Variants in SCEL observed in about 807,000 individuals in gnomAD.
SCEL encodes sciellin.
Under a neutral mutation model 117.6 loss-of-function variants are expected in SCEL, and 113 were observed. That is an observed-to-expected ratio of 0.96 (90% CI 0.83 to 1.12). SCEL has a LOEUF of 1.12. Among genes scored for constraint, SCEL ranks in the 50% most tolerant of loss-of-function variants. The pLI is 0.00. For synonymous variants in SCEL, 270 were observed against 256.2 expected, an observed-to-expected ratio of 1.05 and a Z score of -0.51; for missense variants, 785 against 810.8, an observed-to-expected ratio of 0.97 and a Z score of 0.39.
At chr13:77,560,720 C>A (rs1327971234) in intron 4 of SCEL, among the ~76,000 whole-genome samples, 1 of 152,204 alleles carries the variant, frequency 6.6e-6, no homozygotes, top group Non-Finnish European at 1.5e-5. Flanking sequence ...TACCACAACA[C>A]AGTTGTACTC....
chr13:77,594,459 C>T (rs1472953151), intron 12 of SCEL, among the ~76,000 whole-genome samples: 1 of 152,224 alleles, frequency 6.6e-6, no homozygotes, highest in Non-Finnish European at 1.5e-5. Flanking sequence ...TCCATCCAAG[C>T]CCTGCCCATT....
Position 77,591,406 on chromosome 13 carries a change from C to T in SCEL, c.638C>T (p.Pro213Leu), listed in dbSNP as rs759816390. 3 of 1,579,812 alleles carry T rather than the reference C, an allele frequency of 1.9e-6. No individual in the cohort carries two copies. The highest frequency in any genetic ancestry group is 1.7e-6 in the Non-Finnish European group (2 of 1,150,978). The change falls in exon 11 of 33, where the codon CCA becomes CTA. Residue 213 changes from proline to leucine, a missense_variant. By Grantham distance (98) the Pro-to-Leu change is moderately conservative. Coordinates refer to ENST00000349847, the MANE Select transcript of SCEL (RefSeq NM_144777.3). Reference sequence around the variant, plus strand: ...CTTTGAAAATATAGGCAGATACATCCACCTAAACCAGGTGTATATACAGAA... The same window carrying T: ...CTTTGAAAATATAGGCAGATACATCTACCTAAACCAGGTGTATATACAGAA... ...QLRQDNRQIH[P>L]PKPGVYTETN...
intron 1 of SCEL, among the ~76,000 whole-genome samples, chr13:77,540,775 C>A (rs897544527): frequency 1.3e-5 from 2 of 152,060 alleles, no homozygotes; most frequent in African/African-American, 2.4e-5. Context: ...GTTATCAGTT[C>A]GATTTTATCC....
intron 1 of SCEL, among the ~76,000 whole-genome samples, chr13:77,539,209 A>G (rs561272777): frequency 3.5e-4 from 53 of 152,012 alleles, no homozygotes; most frequent in African/African-American, 1.0e-3. Context: ...AGATAAAAAG[A>G]AAAATTAGGA....
intron 23 of SCEL, among the ~76,000 whole-genome samples, 162 bp from the exon 24 acceptor site, chr13:77,613,731 G>A (rs762348355): frequency 6.6e-6 from 1 of 152,056 alleles, no homozygotes; most frequent in Non-Finnish European, 1.5e-5. Context: ...ATGTCATTGA[G>A]TTGTTGTGAG....
At chr13:77,607,995 T>G in intron 19 of SCEL, 61 bp from the exon 20 acceptor site, 1 of 1,290,126 alleles carries the variant, frequency 7.8e-7, no homozygotes, top group East Asian at 2.3e-5. Context: ...TTTATCTTCT[T>G]GTTGTCAGTC....
In SCEL at chr13:77,567,725, C is replaced by G. The variant is rs1427257082; in HGVS notation, c.336C>G (p.Thr112=). The change falls in exon 6 of 33, where the codon ACC becomes ACG. Residue 112 remains threonine, a synonymous_variant. Transcript: ENST00000349847. ...NDAAKTYKAN[T]LDNQLTNRSM... is the part of the protein sequence containing the mutation. ...CTGCTAAAACATATAAGGCCAATACCTTGGATAACCAACTAACCAATAGGT... is the reference window on the plus strand; with the variant it reads ...CTGCTAAAACATATAAGGCCAATACGTTGGATAACCAACTAACCAATAGGT... The G allele has an allele frequency of 6.2e-7, 1 of 1,606,662 alleles. No homozygotes were observed. The highest frequency in any genetic ancestry group is 8.5e-7 in the Non-Finnish European group (1 of 1,176,322).
intron 9 of SCEL, among the ~76,000 whole-genome samples, chr13:77,577,834 T>C (rs919951225): frequency 1.3e-5 from 2 of 152,212 alleles, no homozygotes; most frequent in African/African-American, 4.8e-5. Flanking sequence ...GATGTTTCTC[T>C]GCAGGCCTTA....
chr13:77,608,971 C>T, intron 20 of SCEL, 87 bp from the exon 21 acceptor site: 1 of 1,070,742 alleles, frequency 9.3e-7, no homozygotes. Flanking sequence ...TAAAATTTAT[C>T]TTGAGTACAT....
rs778331653 is a variant in SCEL, at chr13:77,613,880, A to C, written c.1389-13A>C. The C allele has an allele frequency of 3.1e-6, 5 of 1,610,994 alleles. No individual in the cohort carries two copies. Among genetic ancestry groups the C allele is most frequent in the Admixed American group, 1.7e-5 (1 of 59,770 alleles). ...AGTATGAAATTTGCCGATTTCCTCT[A>C]ATTTTGTTTTAGCAGTGAACAAGGT... On this transcript the variant is annotated splice_polypyrimidine_tract_variant and intron_variant, in intron 23 of 32. Transcript: ENST00000349847.
intron 29 of SCEL, 118 bp from the exon 30 acceptor site, chr13:77,637,002 C>A: frequency 2.0e-6 from 1 of 504,070 alleles, no homozygotes. Context: ...ATCATCCTGG[C>A]TTGTAACATA....
intron 9 of SCEL, among the ~76,000 whole-genome samples, chr13:77,578,593 G>A (rs1300675649): frequency 6.6e-6 from 1 of 152,162 alleles, no homozygotes; most frequent in African/African-American, 2.4e-5. Context: ...TTCTAGCAGG[G>A]AACTCAGAGA....
At chr13:77,586,811 C>T (rs1297354458) in intron 9 of SCEL, among the ~76,000 whole-genome samples, 1 of 152,148 alleles carries the variant, frequency 6.6e-6, no homozygotes, top group Non-Finnish European at 1.5e-5. Context: ...CCCAGCTCTG[C>T]CCCTTATGAG....
Position 77,593,544 on chromosome 13 carries a change from G to C in SCEL, c.723G>C (p.Val241=). ...RSQDLDNIVK[V]ATSLQRSDKG... Reference sequence around the variant, plus strand: ...AGGATCTTGATAACATCGTCAAAGTGGCCACTTCACTTCAGAGAAGTGACA... The same window carrying C: ...AGGATCTTGATAACATCGTCAAAGTCGCCACTTCACTTCAGAGAAGTGACA... The change falls in exon 12 of 33, where the codon GTG becomes GTC. Residue 241 remains valine (V), a synonymous_variant. Transcript: ENST00000349847. The C allele has an allele frequency of 1.9e-6, 3 of 1,613,038 alleles. No homozygotes were observed. The highest frequency in any genetic ancestry group is 2.5e-6 in the Non-Finnish European group (3 of 1,179,358).
chr13:77,616,770 A>G (rs1452497001), intron 24 of SCEL, among the ~76,000 whole-genome samples: 2 of 148,028 alleles, frequency 1.4e-5, no homozygotes, highest in African/African-American at 5.0e-5. Context: ...GAGGAATAAA[A>G]TGTATTTTAT....
chr13:77,538,115 CT>C (rs35197581), intron 1 of SCEL, among the ~76,000 whole-genome samples: 8,319 of 128,916 alleles, frequency 0.065, 1,072 homozygotes, highest in East Asian at 0.54. Context: ...AATCAAAAGT[CT>C]TTTTTTTTTT....
At chr13:77,568,551 A>G (rs572429610) in intron 7 of SCEL, among the ~76,000 whole-genome samples, 68 of 152,090 alleles carry the variant, frequency 4.5e-4, no homozygotes, top group Non-Finnish European at 9.1e-4. Flanking sequence ...ACTCTATCCA[A>G]ACACCAAAGC....
At chr13:77,586,572 C>T (rs1484166364) in intron 9 of SCEL, among the ~76,000 whole-genome samples, 1 of 152,200 alleles carries the variant, frequency 6.6e-6, no homozygotes, top group Non-Finnish European at 1.5e-5. Context: ...CTCTTTGTTG[C>T]ACTCACTTGG....
At chr13:77,540,775 C>T (rs897544527) in intron 1 of SCEL, among the ~76,000 whole-genome samples, 4 of 152,060 alleles carry the variant, frequency 2.6e-5, no homozygotes, top group African/African-American at 7.3e-5. Context: ...GTTATCAGTT[C>T]GATTTTATCC....
Sources: gnomAD v4.1 joint callset for allele counts (sites outside exome capture counted in the v4.1 genomes callset) on GRCh38, gnomAD v4.1.1 for gene constraint, MANE v1.5 for transcripts, NCBI Gene and HGNC (gene_info 2026-07-23, HGNC 2026-07-21) for gene names.